The following ZSCAN5A variants were observed in gnomAD, a reference collection of about 807,000 sequenced individuals.
ZSCAN5A encodes zinc finger and SCAN domain containing 5A, also known as zinc finger and SCAN domain-containing protein 5A.
Under a neutral mutation model 23.7 loss-of-function variants are expected in ZSCAN5A, and 12 were observed. The observed-to-expected ratio is 0.51, with a 90% CI of 0.32 to 0.82. ZSCAN5A has a LOEUF of 0.82. Among genes scored for constraint, ZSCAN5A ranks in the 40% least tolerant of loss-of-function variants. The probability of loss-of-function intolerance (pLI) is 0.03; values close to 1 mark genes in which losing one functional copy is unlikely to be tolerated. For synonymous variants in ZSCAN5A, 257 were observed against 239.9 expected (o/e 1.07, Z -0.66); for missense variants, 597 against 617.9 (o/e 0.97, Z 0.36).
In ZSCAN5A at chr19:56,276,496, C is replaced by T. The variant is rs190024556; in HGVS notation, c.-128+36787G>A. On this transcript the variant is annotated intron_variant, in intron 2 of 5. Coordinates refer to ENST00000683990, the MANE Select transcript of ZSCAN5A (RefSeq NM_001322064.3). ...ACACGCGAAAAAAATTATTAAGGAT[C>T]TAAAGAGCTCTTTTTTTTTTTTTCC... is the stretch of plus-strand genomic sequence containing the variant. Among the ~76,000 whole-genome samples the T allele has an allele frequency of 1.5e-3, 209 of 137,534 alleles. 4 individuals carry two copies. The South Asian group carries it at 0.035, about 23-fold the overall frequency. The allele number at this position is 137,534 out of a possible 152,430, so 90.2% of individuals were successfully genotyped here. A position where few individuals can be genotyped will look rare whatever the true frequency, so the allele number is the denominator to read the frequency against.
At position 56,242,941 on chromosome 19, in the gene ZSCAN5A, G is replaced by T. The variant is rs557364275; in HGVS notation, c.-127-17768C>A. ...TTACAGGCACGTGCCACCATGCCCG[G>T]CTAATTTTTGTATTTTGAGTAGAGA... On this transcript the variant is annotated intron_variant, in intron 2 of 5. Transcript: ENST00000683990. Among the ~76,000 whole-genome samples, 4 of 152,152 alleles carry T rather than the reference G, an allele frequency of 2.6e-5. No individual in the cohort carries two copies. In the South Asian group the frequency reaches 6.2e-4, roughly 24 times the overall value.
chr19:56,236,753 A>C (rs2034955342), intron 2 of ZSCAN5A, among the ~76,000 whole-genome samples: 1 of 140,778 alleles, frequency 7.1e-6, no homozygotes, highest in Admixed American at 7.0e-5. Flanking sequence ...CCGTGGGCCA[A>C]GCCTCCACTC....
chr19:56,330,918 C>T (rs774235513), intron 2 of ZSCAN5A, among the ~76,000 whole-genome samples: 1 of 152,124 alleles, frequency 6.6e-6, no homozygotes, highest in African/African-American at 2.4e-5. Context: ...AGGTTTTCTT[C>T]TAGACATCTC....
At chr19:56,231,242 C>T (rs922679974) in intron 2 of ZSCAN5A, among the ~76,000 whole-genome samples, 23 of 152,004 alleles carry the variant, frequency 1.5e-4, no homozygotes, top group Non-Finnish European at 7.4e-5. Flanking sequence ...AAATGTTCCC[C>T]TCATACAAAA....
intron 2 of ZSCAN5A, among the ~76,000 whole-genome samples, chr19:56,289,173 C>G (rs2039345294): frequency 6.6e-6 from 1 of 152,174 alleles, no homozygotes; most frequent in African/African-American, 2.4e-5. Flanking sequence ...CTGACCATGC[C>G]TGATTTCAGG....
At chr19:56,257,166 G>A (rs776981136) in intron 2 of ZSCAN5A, among the ~76,000 whole-genome samples, 5 of 152,126 alleles carry the variant, frequency 3.3e-5, no homozygotes, top group Non-Finnish European at 7.4e-5. Flanking sequence ...CAAGAGGGGC[G>A]AGTTTGCAGA....
intron 5 of ZSCAN5A, 116 bp downstream of exon 5, chr19:56,222,474 TG>T: frequency 6.5e-7 from 1 of 1,550,088 alleles, no homozygotes; most frequent in South Asian, 1.3e-5. Context: ...AAGTAGAGGA[TG>T]GGGAGGCTTT....
At chr19:56,339,034 C>A (rs966086470) in intron 2 of ZSCAN5A, among the ~76,000 whole-genome samples, 1 of 152,228 alleles carries the variant, frequency 6.6e-6, no homozygotes, top group African/African-American at 2.4e-5. Flanking sequence ...GCCTTAGGAA[C>A]AATGTGACCT....
chr19:56,242,388 T>C (rs1335201648), intron 2 of ZSCAN5A, among the ~76,000 whole-genome samples: 1 of 152,204 alleles, frequency 6.6e-6, no homozygotes, highest in South Asian at 2.1e-4. Context: ...TGTGTTTTCT[T>C]GCTCTGGAGT....
In ZSCAN5A at chr19:56,223,689, C is replaced by T. The variant is rs2033565667; in HGVS notation, c.530G>A (p.Gly177Asp). The change falls in exon 4 of 6, where the codon GGC becomes GAC. Residue 177 changes from glycine (G) to aspartate (D), a missense_variant. Gly to Asp is a moderately conservative substitution (Grantham distance 94). Coordinates refer to ENST00000683990, the MANE Select transcript of ZSCAN5A (RefSeq NM_001322064.3). The part of the protein sequence containing the change: ...SSVNQMRPGE[G>D]QAHRELQILP... ...GATCTGCAGCTCTCGGTGGGCCTGG[C>T]CTTCCCCTGGACGCATCTGGTTCAC... is the stretch of plus-strand genomic sequence containing the variant. The T allele has an allele frequency of 1.2e-6, 2 of 1,611,334 alleles. No individual in the cohort carries two copies. Among genetic ancestry groups the T allele is most frequent in the African/African-American group, 1.3e-5 (1 of 74,216 alleles).
intron 2 of ZSCAN5A, among the ~76,000 whole-genome samples, chr19:56,268,024 G>A (rs2037592983): frequency 6.6e-6 from 1 of 152,148 alleles, no homozygotes; most frequent in Non-Finnish European, 1.5e-5. Context: ...ACACTTTTCA[G>A]GTCCCTTCTG....
chr19:56,337,897 T>C (rs951965401), intron 2 of ZSCAN5A, among the ~76,000 whole-genome samples: 13 of 152,254 alleles, frequency 8.5e-5, no homozygotes, highest in African/African-American at 3.1e-4. Context: ...TTTGTAAGTT[T>C]TTCTTTTATT....
chr19:56,258,455 C>A (rs1600113530), intron 2 of ZSCAN5A, among the ~76,000 whole-genome samples: 1 of 142,348 alleles, frequency 7.0e-6, no homozygotes, highest in Admixed American at 6.9e-5. Flanking sequence ...ACAGACACAC[C>A]TTCCAGTGTG....
At chr19:56,231,991 C>CTTTTT (rs1357492276) in intron 2 of ZSCAN5A, among the ~76,000 whole-genome samples, 5 of 34,340 alleles carry the variant, frequency 1.5e-4, no homozygotes, top group African/African-American at 5.9e-4. Context: ...TTCTTTTTTT[C>CTTTTT]TTTTCTTTTT....
intron 2 of ZSCAN5A, among the ~76,000 whole-genome samples, chr19:56,231,553 T>C (rs1283034880): frequency 1.3e-5 from 2 of 152,176 alleles, no homozygotes; most frequent in African/African-American, 4.8e-5. Flanking sequence ...CACGTAAAGG[T>C]GGCTCCAGCC....
chr19:56,252,298 G>A (rs1039193492), intron 2 of ZSCAN5A, among the ~76,000 whole-genome samples: 1 of 152,212 alleles, frequency 6.6e-6, no homozygotes, highest in Non-Finnish European at 1.5e-5. Context: ...GGCTTGAGCA[G>A]GTGAGAGGCT....
intron 2 of ZSCAN5A, among the ~76,000 whole-genome samples, chr19:56,243,315 G>A (rs2035579186): frequency 6.6e-6 from 1 of 152,180 alleles, no homozygotes; most frequent in Non-Finnish European, 1.5e-5. Flanking sequence ...ACAGCATGGT[G>A]CATGCATGTC....
intron 2 of ZSCAN5A, among the ~76,000 whole-genome samples, chr19:56,324,161 T>TC (rs1225544825): frequency 2.0e-4 from 30 of 152,260 alleles, no homozygotes; most frequent in African/African-American, 7.0e-4. Context: ...TAACCACCAA[T>TC]CAACTCTCTA....
chr19:56,248,615 T>C (rs899840410), intron 2 of ZSCAN5A, among the ~76,000 whole-genome samples: 22 of 152,188 alleles, frequency 1.4e-4, no homozygotes, highest in Non-Finnish European at 1.5e-4. Context: ...TAATTTTTTG[T>C]AGTGATGGGA....
Sources: gnomAD v4.1 joint callset for allele counts (sites outside exome capture counted in the v4.1 genomes callset) on GRCh38, gnomAD v4.1.1 for gene constraint, MANE v1.5 for transcripts, NCBI Gene and HGNC (gene_info 2026-07-23, HGNC 2026-07-21) for gene names.